MAP9: variants seen among roughly 807,000 people sequenced by gnomAD.
The protein encoded by MAP9 is microtubule-associated protein 9.
In MAP9, 80 loss-of-function variants were observed where a neutral mutation model predicts 75.2. The observed-to-expected ratio is 1.06, with a 90% CI of 0.89 to 1.28. The LOEUF (loss-of-function observed/expected upper bound fraction) is 1.28. Ranked by LOEUF, MAP9 falls within the 50% of genes most tolerant of loss-of-function variation. The pLI is 0.00. For missense variants in MAP9, 753 were observed against 719.9 expected (o/e 1.05, Z -0.53); for synonymous variants, 235 against 237.3 (o/e 0.99, Z 0.09).
At position 155,343,239 on chromosome 4, in the gene MAP9, T is replaced by C. The variant is rs1336000635; in HGVS notation, c.*4544A>G. On this transcript the variant is annotated 3_prime_UTR_variant, in exon 14 of 14. Transcript: ENST00000311277. The stretch of plus-strand genomic sequence containing the variant: ...ATATATATGCATACATATTTGTATA[T>C]ACACACAGATAGCACAGGAGAGAGA... The C allele has an allele frequency of 2.0e-5, 3 of 150,250 alleles. No individual in the cohort carries two copies. The highest frequency in any genetic ancestry group is 1.3e-4 in the Admixed American group (2 of 15,044). The allele number at this position is 150,250 out of a possible 1,614,324, so 9.3% of individuals were successfully genotyped here. A position where few individuals can be genotyped will look rare whatever the true frequency, so the allele number is the denominator to read the frequency against.
intron 1 of MAP9, among the ~76,000 whole-genome samples, chr4:155,376,203 AT>A (rs1732835226): frequency 6.6e-6 from 1 of 152,300 alleles, no homozygotes; most frequent in East Asian, 1.9e-4. Context: ...AGAACACCTT[AT>A]TTTTCACCTC....
At chr4:155,364,749 G>A (rs911185703) in intron 5 of MAP9, among the ~76,000 whole-genome samples, 1 of 150,856 alleles carries the variant, frequency 6.6e-6, no homozygotes, top group Non-Finnish European at 1.5e-5. Flanking sequence ...GGGAGTATAT[G>A]GAACTATATT....
rs189046082 is a variant in MAP9 at position 155,365,494 on chromosome 4, T to C, written c.708+3092A>G. Among the ~76,000 whole-genome samples the C allele has an allele frequency of 1.2e-4, 18 of 152,236 alleles. No homozygotes were observed. In the East Asian group the frequency reaches 3.5e-3, roughly 29 times the overall value. Reference sequence around the variant, plus strand: ...AGGATAAAGAAGATCTGAATGATATTACCAACCATGTTGACCAAACTTAAA... The same window carrying C: ...AGGATAAAGAAGATCTGAATGATATCACCAACCATGTTGACCAAACTTAAA... On this transcript the variant is annotated intron_variant, in intron 5 of 13. Transcript: ENST00000311277.
intron 8 of MAP9, among the ~76,000 whole-genome samples, chr4:155,356,847 GAT>G (rs1294018063): frequency 1.3e-5 from 2 of 152,126 alleles, no homozygotes; most frequent in African/African-American, 2.4e-5. Flanking sequence ...TTTGATTAAT[GAT>G]AATTTGACTA....
intron 6 of MAP9, 117 bp from the exon 7 acceptor site, chr4:155,360,532 A>T (rs1466581058): frequency 1.0e-6 from 1 of 986,334 alleles, no homozygotes; most frequent in East Asian, 2.5e-5. Context: ...TTCTTGCAAA[A>T]TATGAAGAAA....
rs373245890 is a variant in MAP9, at chr4:155,349,625, G to C, written c.1822-1720C>G. ...CTCATTCCATGTCATAAGAATGCTT[G>C]CATGTTTGTTTGCTTGCTATTTCTA... On this transcript the variant is annotated intron_variant, in intron 13 of 13. Transcript: ENST00000311277. 4 of 152,242 alleles carry C rather than the reference G, an allele frequency of 2.6e-5. No individual in the cohort carries two copies. In the South Asian group the frequency reaches 8.3e-4, roughly 32 times the overall value. The allele number at this position is 152,242 out of a possible 1,614,324, so 9.4% of individuals were successfully genotyped here.
At chr4:155,370,730 T>A (rs6830576) in intron 4 of MAP9, among the ~76,000 whole-genome samples, 39,636 of 152,126 alleles carry the variant, frequency 0.26, 6,125 homozygotes, top group African/African-American at 0.44. Flanking sequence ...CTGTTAACTA[T>A]AGGCACAATG....
Position 155,345,338 on chromosome 4 carries a change from T to C in MAP9, c.*2445A>G, listed in dbSNP as rs903351076. 4 of 152,050 alleles carry C rather than the reference T, an allele frequency of 2.6e-5. No individual in the cohort carries two copies. Among genetic ancestry groups the C allele is most frequent in the African/African-American group, 9.7e-5 (4 of 41,446 alleles). The allele number at this position is 152,050 out of a possible 1,614,324, so 9.4% of individuals were successfully genotyped here. On this transcript the variant is annotated 3_prime_UTR_variant, in exon 14 of 14. Transcript: ENST00000311277. ...AATTTGAAGTGAATGACTTGTTGGG[T>C]CTATGCAAACACCTCATCCTACCTC...
chr4:155,369,408 C>A (rs1732492759), intron 4 of MAP9, among the ~76,000 whole-genome samples: 1 of 149,154 alleles, frequency 6.7e-6, no homozygotes, highest in Non-Finnish European at 1.5e-5. Flanking sequence ...TGAAAGTAAC[C>A]AGTCACAAGA....
Position 155,355,880 on chromosome 4 carries a change from T to A in MAP9, c.1126A>T (p.Met376Leu). 6.2e-7 allele frequency: 1 copy of A among 1,610,376 alleles called. No homozygotes were observed. Among genetic ancestry groups the A allele is most frequent in the Non-Finnish European group, 8.5e-7 (1 of 1,177,918 alleles). Residue 376 changes from methionine to leucine, a missense_variant, in exon 9 of 14, where the codon ATG becomes TTG. Physicochemically the swap from Met to Leu is conservative, Grantham distance 15. Transcript: ENST00000311277. Reference protein sequence around the residue: ...NRASSASARLMTSEFLKKSSS... With the variant: ...NRASSASARLLTSEFLKKSSS... The stretch of plus-strand genomic sequence containing the variant: ...GATTTCTTCAAAAACTCAGAGGTCA[T>A]TAATCTGAAAAGATCCAAATGAATC...
At chr4:155,365,968 G>T (rs981259950) in intron 5 of MAP9, among the ~76,000 whole-genome samples, 8 of 152,156 alleles carry the variant, frequency 5.3e-5, no homozygotes, top group Middle Eastern at 6.8e-3. Flanking sequence ...GTACAAAGAA[G>T]AAAGTTTACA....
chr4:155,351,580 G>A lies in MAP9; in HGVS notation c.1821+1016C>T, dbSNP rs1038485265. 5.9e-5 allele frequency among the ~76,000 whole-genome samples: 9 copies of A among 151,458 alleles called. No homozygotes were observed. In the East Asian group the frequency reaches 1.7e-3, roughly 29 times the overall value. On this transcript the variant is annotated intron_variant, in intron 13 of 13. Transcript: ENST00000311277. ...TTGCAACCCATATAAAAAATGATAG[G>A]CTAATTTCCCCAGTACAAAACAAAA... is the stretch of plus-strand genomic sequence containing the variant.
In MAP9 at chr4:155,354,017, A is replaced by G. The variant is rs535491067; in HGVS notation, c.1381-677T>C. ...ATTGGGGTAACATAATTTAGAGGTC[A>G]AAGTACTATCTACCTCACAGAGCTA... On this transcript the variant is annotated intron_variant, in intron 10 of 13. Transcript: ENST00000311277. 1.9e-3 allele frequency among the ~76,000 whole-genome samples: 287 copies of G among 152,298 alleles called. 1 individual carries two copies. Among genetic ancestry groups the G allele is most frequent in the African/African-American group, 6.2e-3 (259 of 41,546 alleles).
Position 155,360,275 on chromosome 4 carries a change from C to G in MAP9, c.943G>C (p.Glu315Gln). ...ATAATCAGTTCCGCTTTTGCCTTTT[C>G]TTCTTCAAGGTCATCAGCAGTCACT... ...SQVTADDLEE[E>Q]KAKAELIMDD... Residue 315 changes from glutamate (E) to glutamine (Q), a missense_variant, in exon 7 of 14, where the codon GAA (glutamate) becomes CAA (glutamine). Physicochemically the swap from Glu to Gln is conservative, Grantham distance 29 (BLOSUM62 2). Transcript: ENST00000311277. The G allele has an allele frequency of 6.2e-7, 1 of 1,613,174 alleles. No homozygotes were observed. Among genetic ancestry groups the G allele is most frequent in the South Asian group, 1.1e-5 (1 of 91,060 alleles).
rs1731604935 is a variant in MAP9, at chr4:155,353,269, T to G, written c.1452A>C (p.Ala484=). Residue 484 remains alanine, a synonymous_variant, in exon 11 of 14, where the codon GCA becomes GCC. Coordinates refer to ENST00000311277, the MANE Select transcript of MAP9 (RefSeq NM_001039580.2). Reference sequence around the variant, plus strand: ...GCCTCTTTTTGGCAGCTATTTTCTTTGCTTCCTTTTCTTTCATAGCCTTCC... The same window carrying G: ...GCCTCTTTTTGGCAGCTATTTTCTTGGCTTCCTTTTCTTTCATAGCCTTCC... The part of the protein sequence containing the change: ...EAWKAMKEKE[A]KKIAAKKRLE... 1.2e-6 allele frequency: 2 copies of G among 1,609,360 alleles called. No homozygotes were observed. The highest frequency in any genetic ancestry group is 1.7e-6 in the Non-Finnish European group (2 of 1,178,404).
chr4:155,370,557 C>T (rs572801090), intron 4 of MAP9, among the ~76,000 whole-genome samples: 2 of 152,274 alleles, frequency 1.3e-5, no homozygotes, highest in East Asian at 1.9e-4. Context: ...ATATCCACTT[C>T]CTGCTTCTCC....
intron 5 of MAP9, among the ~76,000 whole-genome samples, chr4:155,366,924 A>T (rs562249746): frequency 6.6e-6 from 1 of 152,284 alleles, no homozygotes; most frequent in Middle Eastern, 3.4e-3. Flanking sequence ...ACACTCCCCA[A>T]CTCATTTGAT....
chr4:155,374,717 A>G (rs183693284), intron 3 of MAP9, among the ~76,000 whole-genome samples: 1 of 152,344 alleles, frequency 6.6e-6, no homozygotes, highest in Admixed American at 6.5e-5. Context: ...ATACACATTC[A>G]GAAAACAAAA....
chr4:155,347,865 TTC>T lies in MAP9; in HGVS notation c.1860_1861del (p.Lys621GlufsTer7). On this transcript the variant is annotated frameshift_variant, in exon 14 of 14. Transcript: ENST00000311277. LOFTEE classifies it high-confidence loss of function. ...ACTTTCAAGAAAGGAATGACGTTTC[TTC>T]TGTTTTCGTTCAATTCTTTCTTGTT... The T allele has an allele frequency of 6.3e-7, 1 of 1,590,484 alleles. No homozygotes were observed. The highest frequency in any genetic ancestry group is 8.6e-7 in the Non-Finnish European group (1 of 1,162,242).
Sources: allele counts gnomAD v4.1 joint callset (sites outside exome capture counted in the v4.1 genomes callset), GRCh38; gene constraint gnomAD v4.1.1; transcripts MANE v1.5; gene names NCBI Gene and HGNC (gene_info 2026-07-23, HGNC 2026-07-21).